The following MARCHF6 variants were observed in gnomAD, a reference collection of about 807,000 sequenced individuals.
MARCHF6 encodes membrane associated ring-CH-type finger 6.
In MARCHF6, 31 loss-of-function variants were observed where a neutral mutation model predicts 133.7. The observed-to-expected ratio is 0.23, with a 90% CI of 0.17 to 0.31. The LOEUF (loss-of-function observed/expected upper bound fraction) is 0.31, where lower values mean the gene tolerates loss of function less well. MARCHF6 is among the 10% of genes least tolerant of loss of function. MARCHF6 has a pLI of 1.00. For missense variants in MARCHF6, 723 were observed against 1,121.6 expected, an observed-to-expected ratio of 0.64 and a Z score of 5.08; for synonymous variants, 395 against 402.5, an observed-to-expected ratio of 0.98 and a Z score of 0.22.
At chr5:10,416,751 A>G (rs932253638) in intron 21 of MARCHF6, among the ~76,000 whole-genome samples, 2 of 152,064 alleles carry the variant, frequency 1.3e-5, no homozygotes, top group Admixed American at 6.6e-5. Flanking sequence ...TCATTTTGCC[A>G]TTTAGTCCAG....
chr5:10,430,446 C>G (rs1007557957), intron 25 of MARCHF6, among the ~76,000 whole-genome samples: 2 of 151,864 alleles, frequency 1.3e-5, no homozygotes, highest in Non-Finnish European at 2.9e-5. Flanking sequence ...GCTGGGATTA[C>G]AGGTGTGCAC....
intron 1 of MARCHF6, among the ~76,000 whole-genome samples, chr5:10,367,895 A>G (rs755210550): frequency 8.5e-5 from 13 of 152,230 alleles, no homozygotes; most frequent in Non-Finnish European, 1.6e-4. Flanking sequence ...TTAAATAGAA[A>G]TTTCCCTTTG....
At position 10,402,380 on chromosome 5, in the gene MARCHF6, G is replaced by A. The variant is rs777843122; in HGVS notation, c.1054-4G>A. 2 of 1,613,604 alleles carry A rather than the reference G, an allele frequency of 1.2e-6. No homozygotes were observed. The highest frequency in any genetic ancestry group is 1.7e-6 in the Non-Finnish European group (2 of 1,179,558). ...CTCAGTTTTTCCTTGACCTGATGCT[G>A]TAGGGCTTGGCAACTCTTGTGAAAT... is the stretch of plus-strand genomic sequence containing the variant. On this transcript the variant is annotated splice_region_variant and splice_polypyrimidine_tract_variant and intron_variant, in intron 12 of 25. Coordinates refer to ENST00000274140, the MANE Select transcript of MARCHF6 (RefSeq NM_005885.4).
intron 4 of MARCHF6, 123 bp downstream of exon 4, chr5:10,382,066 G>T: frequency 4.8e-6 from 5 of 1,045,948 alleles, no homozygotes; most frequent in Non-Finnish European, 7.0e-6. Flanking sequence ...AGAGTGTCAT[G>T]TATTAGGAAA....
chr5:10,411,997 G>A (rs1184867730), intron 19 of MARCHF6, among the ~76,000 whole-genome samples: 3 of 152,188 alleles, frequency 2.0e-5, no homozygotes, highest in African/African-American at 7.2e-5. Flanking sequence ...AATTTTGTCA[G>A]AAATGTAAGC....
chr5:10,432,764 T>C (rs1363133341), intron 25 of MARCHF6, among the ~76,000 whole-genome samples: 5 of 152,228 alleles, frequency 3.3e-5, no homozygotes, highest in Non-Finnish European at 5.9e-5. Context: ...TGTTGAACCA[T>C]ATTCTCCCAC....
chr5:10,398,777 C>T (rs1032382359), intron 10 of MARCHF6, among the ~76,000 whole-genome samples: 38 of 152,012 alleles, frequency 2.5e-4, no homozygotes, highest in African/African-American at 7.5e-4. Context: ...GCTTATATTG[C>T]GAAAAGAATT....
chr5:10,375,402 G>A (rs899791933), intron 1 of MARCHF6, among the ~76,000 whole-genome samples: 1 of 152,244 alleles, frequency 6.6e-6, no homozygotes, highest in Non-Finnish European at 1.5e-5. Context: ...CGCTGGGCAG[G>A]GCTCGGGACC....
chr5:10,411,652 A>G, intron 19 of MARCHF6, 115 bp downstream of exon 19: 2 of 663,980 alleles, frequency 3.0e-6, no homozygotes, highest in East Asian at 3.0e-5. Flanking sequence ...GACATGTTCC[A>G]CATTTTATTA....
At chr5:10,431,148 C>G (rs564967885) in intron 25 of MARCHF6, among the ~76,000 whole-genome samples, 1 of 152,254 alleles carries the variant, frequency 6.6e-6, no homozygotes, top group South Asian at 2.1e-4. Context: ...TTATAGTGTT[C>G]AAGACTTCTC....
At chr5:10,387,860 C>T (rs997980403) in intron 5 of MARCHF6, among the ~76,000 whole-genome samples, 2 of 152,024 alleles carry the variant, frequency 1.3e-5, no homozygotes, top group African/African-American at 4.8e-5. Context: ...TGGGGTTTCA[C>T]CATGTTAGCC....
At chr5:10,391,853 T>C (rs1737869633) in intron 7 of MARCHF6, 122 bp downstream of exon 7, 1 of 1,079,380 alleles carries the variant, frequency 9.3e-7, no homozygotes, top group African/African-American at 1.6e-5. Flanking sequence ...TAACTTATTT[T>C]TACTTTATTT....
chr5:10,373,624 T>A (rs1736591103), intron 1 of MARCHF6, among the ~76,000 whole-genome samples: 1 of 152,156 alleles, frequency 6.6e-6, no homozygotes, highest in Admixed American at 6.5e-5. Context: ...CCCCAGGCCA[T>A]AGTCAATGGC....
At chr5:10,390,875 A>AATT (rs1737788284) in intron 6 of MARCHF6, among the ~76,000 whole-genome samples, 1 of 152,342 alleles carries the variant, frequency 6.6e-6, no homozygotes, top group Non-Finnish European at 1.5e-5. Flanking sequence ...TGCTGTCAAT[A>AATT]AAGACAAAGG....
intron 19 of MARCHF6, 65 bp from the exon 20 acceptor site, chr5:10,414,368 T>A: frequency 1.1e-6 from 1 of 895,376 alleles, no homozygotes; most frequent in Non-Finnish European, 1.8e-6. Flanking sequence ...ATTGTGTTGA[T>A]TCTTTGATAA....
Position 10,410,286 on chromosome 5 carries a change from G to A in MARCHF6, c.1691+10G>A. ...CCGCCGGATACTTGCTGTGAGTATG[G>A]GCAGCTGACTCCTTGGACATGCATG... On this transcript the variant is annotated intron_variant, in intron 18 of 25. Transcript: ENST00000274140. 1.2e-6 allele frequency: 2 copies of A among 1,611,774 alleles called. No homozygotes were observed. Among genetic ancestry groups the A allele is most frequent in the Non-Finnish European group, 1.7e-6 (2 of 1,179,648 alleles).
intron 19 of MARCHF6, among the ~76,000 whole-genome samples, chr5:10,412,169 C>A (rs537425311): frequency 6.6e-6 from 1 of 152,096 alleles, no homozygotes; most frequent in East Asian, 1.9e-4. Context: ...TAAAAATAGT[C>A]ATTATTATAC....
chr5:10,437,497 G>C lies in MARCHF6; in HGVS notation c.*3813G>C, dbSNP rs913938351. 3 of 152,054 alleles carry C rather than the reference G, an allele frequency of 2.0e-5. No individual in the cohort carries two copies. The highest frequency in any genetic ancestry group is 7.2e-5 in the African/African-American group (3 of 41,384). 9.4% of individuals were successfully genotyped at this position (152,054 alleles called of 1,614,324 possible). ...TTTAAAAATAGCCATCATGAGTAAG[G>C]GCTTCTTTAAAATAATCCCTGACAA... is the stretch of plus-strand genomic sequence containing the variant. On this transcript the variant is annotated 3_prime_UTR_variant, in exon 26 of 26. Coordinates refer to ENST00000274140, the MANE Select transcript of MARCHF6 (RefSeq NM_005885.4).
At chr5:10,374,472 G>A (rs545996205) in intron 1 of MARCHF6, among the ~76,000 whole-genome samples, 1 of 152,140 alleles carries the variant, frequency 6.6e-6, no homozygotes, top group Non-Finnish European at 1.5e-5. Flanking sequence ...GTTCAAAGTA[G>A]CGTGGGCTGC....
Sources: allele counts gnomAD v4.1 joint callset (sites outside exome capture counted in the v4.1 genomes callset), GRCh38; gene constraint gnomAD v4.1.1; transcripts MANE v1.5; gene names NCBI Gene and HGNC (gene_info 2026-07-23, HGNC 2026-07-21).